The following TFCP2 variants were observed in gnomAD, a reference collection of about 807,000 sequenced individuals.
TFCP2 encodes transcription factor CP2.
A neutral mutation model predicts 73.4 loss-of-function variants in TFCP2; 33 were observed. That is an observed-to-expected ratio of 0.45 (90% CI 0.34 to 0.60). The LOEUF (loss-of-function observed/expected upper bound fraction) is 0.60. Among genes scored for constraint, TFCP2 ranks in the 20% least tolerant of loss-of-function variants. The pLI, the probability that TFCP2 is intolerant of heterozygous loss-of-function variation, is 0.01. For synonymous variants in TFCP2, 193 were observed against 211.6 expected (o/e 0.91, Z 0.76); for missense variants, 352 against 604.0 (o/e 0.58, Z 4.37).
In TFCP2 at chr12:51,095,244, C is replaced by T. The variant is rs1592783589; in HGVS notation, c.1506G>A (p.Lys502=). The change falls in exon 15 of 15, where the codon AAG becomes AAA. Residue 502 remains lysine (K), a synonymous_variant. Transcript: ENST00000257915. The stretch of plus-strand genomic sequence containing the variant: ...CTGGGCACGAAACGCCGCACTCCTA[C>T]TTCAGTATGATATGATAGCTATCAT... ...ETNDSYHIIL[K] is the part of the protein sequence containing the mutation. 1.9e-6 allele frequency: 3 copies of T among 1,613,934 alleles called. No homozygotes were observed. The East Asian group carries it at 6.7e-5, about 36-fold the overall frequency.
At chr12:51,125,509 A>G (rs535292354) in intron 1 of TFCP2, 1 of 356,086 alleles carries the variant, frequency 2.8e-6, no homozygotes, top group East Asian at 7.3e-5. Flanking sequence ...CCAGCCTTGT[A>G]AGAAAAAGTA....
At chr12:51,146,025 G>T (rs541606314) in intron 1 of TFCP2, among the ~76,000 whole-genome samples, 46 of 152,102 alleles carry the variant, frequency 3.0e-4, no homozygotes, top group African/African-American at 1.1e-3. Context: ...CCACAAACTG[G>T]CAGAATATAC....
At chr12:51,137,243 CAA>C (rs1941081357) in intron 1 of TFCP2, among the ~76,000 whole-genome samples, 1 of 152,196 alleles carries the variant, frequency 6.6e-6, no homozygotes, top group South Asian at 2.1e-4. Context: ...TTTTTTGCCT[CAA>C]GTCTTTCAGT....
chr12:51,132,193 C>T (rs536022815), intron 1 of TFCP2, among the ~76,000 whole-genome samples: 2 of 152,102 alleles, frequency 1.3e-5, no homozygotes, highest in East Asian at 3.9e-4. Flanking sequence ...GCTAAATGTG[C>T]CTTTGGTAGC....
intron 8 of TFCP2, 127 bp from the exon 9 acceptor site, chr12:51,104,330 A>G (rs940249698): frequency 2.8e-6 from 2 of 726,670 alleles, no homozygotes; most frequent in African/African-American, 3.6e-5. Flanking sequence ...CTCATAACAC[A>G]TTCTTATTCT....
chr12:51,097,605 A>G (rs891941744), intron 13 of TFCP2, among the ~76,000 whole-genome samples: 4 of 152,130 alleles, frequency 2.6e-5, no homozygotes, highest in Non-Finnish European at 5.9e-5. Context: ...CATTATTTTA[A>G]TCAATTGTAT....
intron 4 of TFCP2, 84 bp downstream of exon 4, chr12:51,116,231 A>G: frequency 3.3e-6 from 2 of 610,814 alleles, no homozygotes; most frequent in East Asian, 2.8e-5. Context: ...AAGCATATGA[A>G]TCAAGGTAAA....
chr12:51,099,725 C>T lies in TFCP2; in HGVS notation c.1206G>A (p.Arg402=), dbSNP rs1260145177. The change falls in exon 12 of 15, where the codon AGG becomes AGA. Residue 402 remains arginine, a synonymous_variant. Coordinates refer to ENST00000257915, the MANE Select transcript of TFCP2 (RefSeq NM_005653.5). ...IYVCQESLQL[R]EQQQQQQQQQ... is the part of the protein sequence containing the mutation. Reference sequence around the variant, plus strand: ...GTTGCTGCTGCTGTTGTTGCTGCTCCCTCAACTGCAGTGATTCCTGACAAA... The same window carrying T: ...GTTGCTGCTGCTGTTGTTGCTGCTCTCTCAACTGCAGTGATTCCTGACAAA... 2 of 1,614,062 alleles carry T rather than the reference C, an allele frequency of 1.2e-6. No homozygotes were observed. Among genetic ancestry groups the T allele is most frequent in the East Asian group, 4.5e-5 (2 of 44,894 alleles).
At chr12:51,161,904 C>CAA (rs536148721) in intron 1 of TFCP2, among the ~76,000 whole-genome samples, 74 of 136,248 alleles carry the variant, frequency 5.4e-4, no homozygotes, top group African/African-American at 1.9e-3. Flanking sequence ...AACAAACAAA[C>CAA]AAACAAAAAA....
intron 14 of TFCP2, among the ~76,000 whole-genome samples, chr12:51,095,538 G>T (rs551988128): frequency 6.6e-6 from 1 of 152,114 alleles, no homozygotes; most frequent in African/African-American, 2.4e-5. Context: ...AGCTGGGCCA[G>T]GCACAGTGGC....
intron 1 of TFCP2, among the ~76,000 whole-genome samples, chr12:51,130,741 C>T (rs1469162473): frequency 6.6e-6 from 1 of 152,078 alleles, no homozygotes; most frequent in East Asian, 1.9e-4. Flanking sequence ...ATTCCTAGTA[C>T]TTTGGGAAGC....
In TFCP2 at chr12:51,095,346, T is replaced by A. The variant is rs1939929733; in HGVS notation, c.1472-68A>T. The stretch of plus-strand genomic sequence containing the variant: ...CTAAAACACAGCAGGAGAAAAAAAG[T>A]ATGGTAAGATTCTCGTGAGAAGGGG... On this transcript the variant is annotated intron_variant, in intron 14 of 14. Coordinates refer to ENST00000257915, the MANE Select transcript of TFCP2 (RefSeq NM_005653.5). 5.2e-6 allele frequency: 8 copies of A among 1,531,116 alleles called. No homozygotes were observed. In the Admixed American group the frequency reaches 1.3e-4, roughly 26 times the overall value. The allele number at this position is 1,531,116 out of a possible 1,614,324, so 94.8% of individuals were successfully genotyped here.
chr12:51,158,575 G>T (rs921603079), intron 1 of TFCP2, among the ~76,000 whole-genome samples: 1 of 151,780 alleles, frequency 6.6e-6, no homozygotes, highest in Non-Finnish European at 1.5e-5. Flanking sequence ...TGCAACCTCT[G>T]CCTCCCAGGT....
chr12:51,129,551 T>G (rs1442943274), intron 1 of TFCP2, among the ~76,000 whole-genome samples: 1 of 148,108 alleles, frequency 6.8e-6, no homozygotes, highest in Non-Finnish European at 1.5e-5. Flanking sequence ...AGGAGAGAGA[T>G]AAGAATAAGT....
At position 51,125,477 on chromosome 12, in the gene TFCP2, T is replaced by C. The variant is rs1333572351; in HGVS notation, c.123-6705A>G. The C allele has an allele frequency of 1.1e-5, 4 of 367,674 alleles. No homozygotes were observed. The East Asian group carries it at 2.9e-4, about 26-fold the overall frequency. 22.8% of individuals were successfully genotyped at this position (367,674 alleles called of 1,614,324 possible). ...TCCATATGAATCAACCAGTTATTTT[T>C]CTATTGTTCTGTCTCCCTCTCCCAG... On this transcript the variant is annotated intron_variant, in intron 1 of 14. Coordinates refer to ENST00000257915, the MANE Select transcript of TFCP2 (RefSeq NM_005653.5).
chr12:51,126,350 G>A (rs1466338590), intron 1 of TFCP2, among the ~76,000 whole-genome samples: 1 of 152,096 alleles, frequency 6.6e-6, no homozygotes, highest in Non-Finnish European at 1.5e-5. Flanking sequence ...TCAGCATGGA[G>A]GTATAGCAGA....
intron 1 of TFCP2, among the ~76,000 whole-genome samples, chr12:51,135,569 T>C (rs748644390): frequency 7.2e-5 from 11 of 152,198 alleles, no homozygotes; most frequent in Non-Finnish European, 1.5e-4. Flanking sequence ...ATGAAAGGCA[T>C]ATAAATAGCA....
intron 1 of TFCP2, among the ~76,000 whole-genome samples, chr12:51,123,805 T>C (rs1940738285): frequency 1.3e-5 from 2 of 152,336 alleles, no homozygotes; most frequent in Admixed American, 6.5e-5. Flanking sequence ...ACTGATATGA[T>C]GTATACTTTT....
In TFCP2 at chr12:51,098,856, G is replaced by A. The variant is rs1402238962; in HGVS notation, c.1339C>T (p.Leu447Phe). The change falls in exon 13 of 15, where the codon CTT (leucine) becomes TTT (phenylalanine). Residue 447 changes from leucine to phenylalanine, a missense_variant. Physicochemically the swap from Leu to Phe is conservative, Grantham distance 22. Around this residue, in one of 6 missense-constraint regions of TFCP2, gnomAD observed 194 missense variants for 256.3 expected, o/e 0.76. Coordinates refer to ENST00000257915, the MANE Select transcript of TFCP2 (RefSeq NM_005653.5). ...AVELTEKIAQ[L>F]FSISPCQISQ... Reference sequence around the variant, plus strand: ...ATCTGGCAAGGGGAAATGCTGAAAAGCTGAGCAATTTTTTCTGTCAATTCA... The same window carrying A: ...ATCTGGCAAGGGGAAATGCTGAAAAACTGAGCAATTTTTTCTGTCAATTCA... 70 of 1,614,090 alleles carry A rather than the reference G, an allele frequency of 4.3e-5. No homozygotes were observed. Among genetic ancestry groups the A allele is most frequent in the Non-Finnish European group, 5.8e-5 (69 of 1,180,034 alleles).
Sources: allele counts gnomAD v4.1 joint callset (sites outside exome capture counted in the v4.1 genomes callset), GRCh38; gene constraint gnomAD v4.1.1; regional missense constraint gnomAD v4.1.1; transcripts MANE v1.5; gene names NCBI Gene and HGNC (gene_info 2026-07-23, HGNC 2026-07-21).